STK3: variants seen among roughly 807,000 people sequenced by gnomAD.
STK3 encodes serine/threonine kinase 3, also known as serine/threonine-protein kinase 3.
STK3 carries 41 observed loss-of-function variants against 58.0 expected under a neutral mutation model. That is an observed-to-expected ratio of 0.71 (90% CI 0.55 to 0.92). STK3 has a LOEUF of 0.92. Among genes scored for constraint, STK3 ranks in the 40% least tolerant of loss-of-function variants. The probability of loss-of-function intolerance (pLI) is 0.00; values close to 1 mark genes in which losing one functional copy is unlikely to be tolerated. For missense variants in STK3, 479 were observed against 602.7 expected (o/e 0.79, Z 2.15); for synonymous variants, 170 against 191.0 (o/e 0.89, Z 0.91).
chr8:98,734,053 G>C (rs1164895459), intron 4 of STK3, among the ~76,000 whole-genome samples: 2 of 152,128 alleles, frequency 1.3e-5, no homozygotes, highest in Non-Finnish European at 2.9e-5. Context: ...CAGCGGGAGA[G>C]AGGATGAAGG....
At chr8:98,552,632 G>A (rs1811263764) in intron 8 of STK3, among the ~76,000 whole-genome samples, 2 of 152,084 alleles carry the variant, frequency 1.3e-5, no homozygotes, top group South Asian at 4.1e-4. Context: ...CCTCTTCGGT[G>A]AAGCTTTTTC....
chr8:98,912,392 C>A (rs535081941), intron 1 of STK3, among the ~76,000 whole-genome samples: 2 of 147,604 alleles, frequency 1.4e-5, no homozygotes, highest in Non-Finnish European at 3.0e-5. Context: ...ACAACAACAA[C>A]AACAATAACA....
chr8:98,519,750 T>G (rs552688565), intron 10 of STK3, among the ~76,000 whole-genome samples: 1 of 152,206 alleles, frequency 6.6e-6, no homozygotes, highest in Non-Finnish European at 1.5e-5. Context: ...GACTTTTTCT[T>G]CAGTGTGGCC....
At chr8:98,737,708 T>A (rs1716697622) in intron 4 of STK3, among the ~76,000 whole-genome samples, 1 of 152,096 alleles carries the variant, frequency 6.6e-6, no homozygotes, top group South Asian at 2.1e-4. Context: ...GTATATAATT[T>A]TCTTTTTCTT....
chr8:98,547,289 C>T (rs571643883), intron 9 of STK3, among the ~76,000 whole-genome samples: 1 of 152,100 alleles, frequency 6.6e-6, no homozygotes. Flanking sequence ...ATCACAATGA[C>T]CTACGATGTT....
chr8:98,622,187 T>C (rs543908734), intron 6 of STK3, among the ~76,000 whole-genome samples: 2 of 151,710 alleles, frequency 1.3e-5, no homozygotes, highest in South Asian at 4.2e-4. Context: ...GAGAATCTCT[T>C]GAACCCAGGA....
At chr8:98,420,293 A>G (rs1818157043) in intron 3 of STK3, among the ~76,000 whole-genome samples, 1 of 152,200 alleles carries the variant, frequency 6.6e-6, no homozygotes, top group Non-Finnish European at 1.5e-5. Flanking sequence ...TGGTTATCAG[A>G]TCAACTGCCT....
chr8:98,760,937 C>T (rs933051957), intron 3 of STK3, among the ~76,000 whole-genome samples: 2 of 152,072 alleles, frequency 1.3e-5, no homozygotes, highest in Non-Finnish European at 2.9e-5. Flanking sequence ...TTGTACCTTA[C>T]TTAAACACTA....
At chr8:98,379,927 A>G (rs1460827027) in intron 1 of STK3, among the ~76,000 whole-genome samples, 1 of 152,216 alleles carries the variant, frequency 6.6e-6, no homozygotes, top group East Asian at 1.9e-4. Context: ...ATGGATGAAG[A>G]AAATGTGGTA....
intron 3 of STK3, among the ~76,000 whole-genome samples, chr8:98,756,534 C>A (rs1433072338): frequency 6.6e-6 from 1 of 152,012 alleles, no homozygotes; most frequent in East Asian, 1.9e-4. Context: ...TTTAAGCAGA[C>A]GAATAACATG....
At chr8:98,616,779 G>A (rs1817765854) in intron 6 of STK3, among the ~76,000 whole-genome samples, 2 of 151,184 alleles carry the variant, frequency 1.3e-5, no homozygotes, top group African/African-American at 4.9e-5. Context: ...AAATATATAT[G>A]CACCCAATAC....
At chr8:98,642,381 A>G (rs998889470) in intron 6 of STK3, among the ~76,000 whole-genome samples, 1 of 152,182 alleles carries the variant, frequency 6.6e-6, no homozygotes, top group Non-Finnish European at 1.5e-5. Flanking sequence ...TCTTATTCAC[A>G]TGAAGACATT....
intron 1 of STK3, among the ~76,000 whole-genome samples, chr8:98,908,174 T>G (rs542671104): frequency 6.6e-6 from 1 of 152,328 alleles, no homozygotes; most frequent in African/African-American, 2.4e-5. Flanking sequence ...TCAGAAAGGG[T>G]GCAAAATGGT....
At chr8:98,571,717 C>T (rs1349670363) in intron 8 of STK3, among the ~76,000 whole-genome samples, 1 of 152,058 alleles carries the variant, frequency 6.6e-6, no homozygotes, top group Non-Finnish European at 1.5e-5. Context: ...CAAATAACAC[C>T]TTTCTTCAGA....
intron 3 of STK3, among the ~76,000 whole-genome samples, chr8:98,407,755 T>TGCGC (rs539344740): frequency 7.8e-5 from 8 of 102,890 alleles, no homozygotes; most frequent in African/African-American, 2.4e-4. Context: ...TGTGTGTGTG[T>TGCGC]GTGCGCGCGC....
At chr8:98,826,846 G>GT (rs1265447720), upstream of STK3, among the ~76,000 whole-genome samples, 6 of 132,756 alleles carry the variant, frequency 4.5e-5, no homozygotes, top group Non-Finnish European at 9.4e-5. Flanking sequence ...CCAACATGGT[G>GT]AAACCTCGTC....
At chr8:98,598,594 T>G in intron 6 of STK3, 2 of 985,402 alleles carry the variant, frequency 2.0e-6, no homozygotes, top group Non-Finnish European at 2.4e-6. Flanking sequence ...CTCTTAAGAA[T>G]CTCTAGGTTT....
At position 98,754,489 on chromosome 8, in the gene STK3, G is replaced by GA. The variant is rs796919045; in HGVS notation, c.237-5100dup. Among the ~76,000 whole-genome samples, 1,252 of 139,774 alleles carry GA rather than the reference G, an allele frequency of 9.0e-3. 8 individuals carry two copies. Among genetic ancestry groups the GA allele is most frequent in the African/African-American group, 0.027 (1,028 of 38,338 alleles). The allele number at this position is 139,774 out of a possible 152,430, so 91.7% of individuals were successfully genotyped here. On this transcript the variant is annotated intron_variant, in intron 3 of 10. Transcript: ENST00000419617. ...TGAATAGACTGTATATCCTTCAGGG[G>GA]AAAAAAAAAAAACTCTCTCTCTCTC...
intron 10 of STK3, among the ~76,000 whole-genome samples, chr8:98,524,881 C>T (rs1280287722): frequency 6.6e-6 from 1 of 152,202 alleles, no homozygotes; most frequent in Non-Finnish European, 1.5e-5. Context: ...CCTAGACAAA[C>T]TATTAACCTA....
Sources: gnomAD v4.1 joint callset for allele counts (sites outside exome capture counted in the v4.1 genomes callset) on GRCh38, gnomAD v4.1.1 for gene constraint, MANE v1.5 for transcripts, NCBI Gene and HGNC (gene_info 2026-07-23, HGNC 2026-07-21) for gene names.